The following DOCK2 variants were observed in gnomAD, a reference collection of about 807,000 sequenced individuals.
DOCK2 encodes dedicator of cytokinesis 2, also known as dedicator of cytokinesis protein 2.
DOCK2 carries 87 observed loss-of-function variants against 248.9 expected under a neutral mutation model. That is an observed-to-expected ratio of 0.35 (90% CI 0.29 to 0.42). The LOEUF is 0.42. Ranked by LOEUF, DOCK2 falls within the 10% of genes least tolerant of loss-of-function variation. The pLI is 1.00. For synonymous variants in DOCK2, 805 were observed against 821.6 expected, an observed-to-expected ratio of 0.98 and a Z score of 0.35; for missense variants, 1,747 against 2,300.2, an observed-to-expected ratio of 0.76 and a Z score of 4.92.
chr5:169,864,254 G>T lies in DOCK2; in HGVS notation c.2799+23402G>T, dbSNP rs766284277. 1.7e-4 allele frequency: 258 copies of T among 1,549,974 alleles called. No individual in the cohort carries two copies. The African/African-American group carries it at 3.1e-3, about 19-fold the overall frequency. The stretch of plus-strand genomic sequence containing the variant: ...GGAAGTGCGTGGAGTTGGGGGGCTG[G>T]GGGATGGTCCCAACCAGCTCAGATC... On this transcript the variant is annotated intron_variant, in intron 27 of 51. Coordinates refer to ENST00000520908, the MANE Select transcript of DOCK2 (RefSeq NM_004946.3).
At chr5:169,905,138 G>T (rs991576577) in intron 27 of DOCK2, among the ~76,000 whole-genome samples, 2 of 152,170 alleles carry the variant, frequency 1.3e-5, no homozygotes, top group African/African-American at 4.8e-5. Flanking sequence ...GTTTAGGAAG[G>T]GTTGCAAACT....
intron 29 of DOCK2, among the ~76,000 whole-genome samples, chr5:169,994,607 A>G (rs958841065): frequency 1.3e-5 from 2 of 152,216 alleles, no homozygotes; most frequent in African/African-American, 2.4e-5. Context: ...TGGACCATGA[A>G]GGATAATGAC....
intron 26 of DOCK2, among the ~76,000 whole-genome samples, chr5:169,831,033 A>G (rs187267251): frequency 2.6e-5 from 4 of 152,246 alleles, no homozygotes; most frequent in Admixed American, 2.6e-4. Context: ...TTTCTTTCCA[A>G]TGGAGAAAGA....
intron 30 of DOCK2, among the ~76,000 whole-genome samples, chr5:170,001,820 A>G (rs1001713105): frequency 7.2e-5 from 11 of 152,222 alleles, no homozygotes; most frequent in Admixed American, 2.6e-4. Flanking sequence ...TTAAAATATG[A>G]CACAGATGTT....
intron 27 of DOCK2, among the ~76,000 whole-genome samples, chr5:169,941,610 A>G (rs1184201000): frequency 6.6e-6 from 1 of 152,216 alleles, no homozygotes; most frequent in Non-Finnish European, 1.5e-5. Flanking sequence ...TGGCCATCTT[A>G]AGGAATCTGG....
chr5:169,948,933 A>T (rs1776552594), intron 27 of DOCK2, among the ~76,000 whole-genome samples: 1 of 151,290 alleles, frequency 6.6e-6, no homozygotes, highest in South Asian at 2.2e-4. Flanking sequence ...CATAACAAGC[A>T]TTTGTGAAAT....
chr5:169,816,753 A>T (rs155072), intron 26 of DOCK2, among the ~76,000 whole-genome samples: 59,056 of 151,784 alleles, frequency 0.39, 13,103 homozygotes, highest in African/African-American at 0.61. Flanking sequence ...AGATGTTTTG[A>T]TACAGGCATG....
At chr5:169,711,691 C>T (rs1474102564) in intron 15 of DOCK2, among the ~76,000 whole-genome samples, 1 of 152,188 alleles carries the variant, frequency 6.6e-6, no homozygotes, top group East Asian at 1.9e-4. Flanking sequence ...CTATAATTTA[C>T]AGACCTCTTT....
At chr5:170,010,836 T>C (rs975481778) in intron 32 of DOCK2, among the ~76,000 whole-genome samples, 2 of 152,224 alleles carry the variant, frequency 1.3e-5, no homozygotes, top group African/African-American at 2.4e-5. Context: ...AACAGGGATC[T>C]GTGCTTTGTT....
At chr5:169,664,990 TTATA>T (rs761770794) in intron 2 of DOCK2, among the ~76,000 whole-genome samples, 1 of 147,394 alleles carries the variant, frequency 6.8e-6, no homozygotes, top group East Asian at 2.0e-4. Context: ...CTATATATGT[TTATA>T]TATAAGTATC....
At chr5:169,733,235 A>G (rs1246353739) in intron 22 of DOCK2, among the ~76,000 whole-genome samples, 2 of 151,770 alleles carry the variant, frequency 1.3e-5, no homozygotes, top group Non-Finnish European at 2.9e-5. Flanking sequence ...GTTTAATTAT[A>G]TTAGTGGCTA....
chr5:169,714,549 C>A, intron 19 of DOCK2, 92 bp downstream of exon 19: 1 of 1,364,654 alleles, frequency 7.3e-7, no homozygotes, highest in South Asian at 1.3e-5. Flanking sequence ...TATTGAAGGA[C>A]ATGGGGAAAC....
chr5:169,806,808 G>A (rs904441901), intron 26 of DOCK2, among the ~76,000 whole-genome samples: 4 of 152,054 alleles, frequency 2.6e-5, no homozygotes, highest in African/African-American at 9.7e-5. Flanking sequence ...GGACGGGGAG[G>A]GGACAACTTT....
chr5:169,980,153 A>G (rs2113781519), intron 27 of DOCK2: 1 of 151,980 alleles, frequency 6.6e-6, no homozygotes, highest in South Asian at 2.1e-4. Flanking sequence ...CACACATACA[A>G]GCTCCCAGTC....
chr5:169,698,507 C>T (rs1343568345), intron 11 of DOCK2, 58 bp downstream of exon 11: 2 of 1,572,262 alleles, frequency 1.3e-6, no homozygotes, highest in Non-Finnish European at 1.7e-6. Flanking sequence ...TCATCAAGGG[C>T]TGCTGGAGCT....
chr5:169,899,638 T>C (rs1486496885), intron 27 of DOCK2, among the ~76,000 whole-genome samples: 7 of 152,174 alleles, frequency 4.6e-5, no homozygotes, highest in Admixed American at 2.0e-4. Context: ...TTTTGTTCGA[T>C]GTTAGTGTCC....
At chr5:169,977,398 C>G (rs1002775948) in intron 27 of DOCK2, among the ~76,000 whole-genome samples, 1 of 152,196 alleles carries the variant, frequency 6.6e-6, no homozygotes, top group Non-Finnish European at 1.5e-5. Flanking sequence ...CTTCTCTGGA[C>G]TTGAGTCAGC....
intron 26 of DOCK2, among the ~76,000 whole-genome samples, chr5:169,819,091 A>G (rs1426142474): frequency 6.6e-6 from 1 of 152,210 alleles, no homozygotes; most frequent in African/African-American, 2.4e-5. Context: ...GATTCAGTGA[A>G]GGTAAGTGTA....
intron 27 of DOCK2, chr5:169,864,130 C>T: frequency 1.4e-6 from 1 of 730,032 alleles, no homozygotes; most frequent in Non-Finnish European, 2.2e-6. Flanking sequence ...GCTACATCAG[C>T]TCCAAGGCTC....
Sources: gnomAD v4.1 joint callset for allele counts (sites outside exome capture counted in the v4.1 genomes callset) on GRCh38, gnomAD v4.1.1 for gene constraint, MANE v1.5 for transcripts, NCBI Gene and HGNC (gene_info 2026-07-23, HGNC 2026-07-21) for gene names.